LRMDA: variants seen among roughly 807,000 people sequenced by gnomAD.
The protein encoded by LRMDA is leucine-rich melanocyte differentiation-associated protein.
Under a neutral mutation model 29.8 loss-of-function variants are expected in LRMDA, and 18 were observed. That is an observed-to-expected ratio of 0.60 (90% CI 0.42 to 0.90). The LOEUF (loss-of-function observed/expected upper bound fraction) is 0.90. Ranked by LOEUF, LRMDA falls within the 40% of genes least tolerant of loss-of-function variation. The pLI is 0.00. For synonymous variants in LRMDA, 125 were observed against 109.4 expected, an observed-to-expected ratio of 1.14 and a Z score of -0.89; for missense variants, 273 against 273.9, an observed-to-expected ratio of 1.00 and a Z score of 0.02.
intron 6 of LRMDA, among the ~76,000 whole-genome samples, chr10:76,387,123 T>C (rs1176764583): frequency 6.6e-6 from 1 of 152,200 alleles, no homozygotes; most frequent in African/African-American, 2.4e-5. Context: ...TGGAAAGCAA[T>C]TTGATAATTT....
Position 76,559,036 on chromosome 10 carries a change from C to T in LRMDA, c.*1748C>T, listed in dbSNP as rs1227420916. ...TTTAAATTATCTGCATTTGGTCCCACCCTGGGTCATTGTTTAGAAGCATCA... is the reference window on the plus strand; with the variant it reads ...TTTAAATTATCTGCATTTGGTCCCATCCTGGGTCATTGTTTAGAAGCATCA... On this transcript the variant is annotated 3_prime_UTR_variant, in exon 7 of 7. Transcript: ENST00000611255. 1 of 152,200 alleles carries T rather than the reference C, an allele frequency of 6.6e-6. No homozygotes were observed. The highest frequency in any genetic ancestry group is 1.5e-5 in the Non-Finnish European group (1 of 68,030). 9.4% of individuals were successfully genotyped at this position (152,200 alleles called of 1,614,324 possible).
rs554064392 is a variant in LRMDA, at chr10:76,175,439, T to G, written c.516+116656T>G. Among the ~76,000 whole-genome samples the G allele has an allele frequency of 5.9e-5, 9 of 152,330 alleles. No homozygotes were observed. The South Asian group carries it at 1.9e-3, about 32-fold the overall frequency. On this transcript the variant is annotated intron_variant, in intron 5 of 6. Coordinates refer to ENST00000611255, the MANE Select transcript of LRMDA (RefSeq NM_001305581.2). ...GCTCTTAGAATGATGCCTGGCCCAC[T>G]TTCAAGTAAGTGCTCGCATTAACTA... is the stretch of plus-strand genomic sequence containing the variant.
At chr10:75,790,456 G>A (rs1021619751) in intron 2 of LRMDA, among the ~76,000 whole-genome samples, 3 of 152,230 alleles carry the variant, frequency 2.0e-5, no homozygotes, top group African/African-American at 7.2e-5. Context: ...GGAAAGAGAG[G>A]TGGGATTCCA....
intron 2 of LRMDA, among the ~76,000 whole-genome samples, chr10:76,025,698 T>A (rs533629294): frequency 2.6e-5 from 4 of 152,160 alleles, no homozygotes; most frequent in Non-Finnish European, 4.4e-5. Flanking sequence ...TTTCCTTATG[T>A]TCCCTCACCA....
chr10:76,024,963 C>T (rs1035995200), intron 2 of LRMDA, among the ~76,000 whole-genome samples: 62 of 152,314 alleles, frequency 4.1e-4, no homozygotes, highest in African/African-American at 1.4e-3. Flanking sequence ...GCGAGGTGCA[C>T]GCATACCATG....
At chr10:75,750,607 G>A (rs1220483309) in intron 2 of LRMDA, among the ~76,000 whole-genome samples, 1 of 150,318 alleles carries the variant, frequency 6.7e-6, no homozygotes, top group African/African-American at 2.5e-5. Flanking sequence ...CGGGATGGCG[G>A]CCGGGCAGAG....
At chr10:76,315,583 A>G (rs1411394980) in intron 5 of LRMDA, among the ~76,000 whole-genome samples, 1 of 149,936 alleles carries the variant, frequency 6.7e-6, no homozygotes, top group Non-Finnish European at 1.5e-5. Flanking sequence ...GGCCCCCTCC[A>G]GACTTTGGGC....
intron 6 of LRMDA, among the ~76,000 whole-genome samples, chr10:76,371,845 T>G (rs930054625): frequency 6.6e-6 from 1 of 152,164 alleles, no homozygotes; most frequent in African/African-American, 2.4e-5. Flanking sequence ...CTCTGAAAGC[T>G]GTTTCATGAT....
intron 6 of LRMDA, among the ~76,000 whole-genome samples, chr10:76,519,134 C>A (rs1843093760): frequency 6.6e-6 from 1 of 152,026 alleles, no homozygotes; most frequent in South Asian, 2.1e-4. Flanking sequence ...CGTGGTGAAA[C>A]CCCATCTCTA....
chr10:75,822,766 C>T (rs1844183893), intron 2 of LRMDA, among the ~76,000 whole-genome samples: 2 of 152,034 alleles, frequency 1.3e-5, no homozygotes, highest in Admixed American at 1.3e-4. Flanking sequence ...TACTCTTTCA[C>T]CCAAAGCTGG....
intron 6 of LRMDA, among the ~76,000 whole-genome samples, chr10:76,458,637 C>G (rs952553057): frequency 6.6e-6 from 1 of 152,096 alleles, no homozygotes; most frequent in Admixed American, 6.5e-5. Context: ...AAGGAATGAC[C>G]TCAACTCTGT....
chr10:75,895,089 T>C (rs1474762942), intron 2 of LRMDA, among the ~76,000 whole-genome samples: 2 of 152,150 alleles, frequency 1.3e-5, no homozygotes, highest in Non-Finnish European at 2.9e-5. Context: ...AGAGATTGAA[T>C]TTTATCCTGA....
intron 2 of LRMDA, among the ~76,000 whole-genome samples, chr10:75,604,143 C>CT (rs201996741): frequency 0.01 from 1,567 of 151,524 alleles, 19 homozygotes; most frequent in Middle Eastern, 0.031. Flanking sequence ...GTTAACCATT[C>CT]TTTTTTTTTG....
chr10:75,853,432 G>GT (rs1310891338), intron 2 of LRMDA, among the ~76,000 whole-genome samples: 35 of 114,070 alleles, frequency 3.1e-4, no homozygotes, highest in African/African-American at 1.1e-3. Context: ...TAAAGAAGAG[G>GT]GGTGTGTGTG....
intron 2 of LRMDA, among the ~76,000 whole-genome samples, chr10:75,926,978 G>A (rs901489680): frequency 4.6e-5 from 7 of 152,116 alleles, no homozygotes; most frequent in African/African-American, 1.7e-4. Context: ...AGTGCTCCAC[G>A]CTGCCCTCTG....
chr10:76,460,187 T>C (rs1272919926), intron 6 of LRMDA, among the ~76,000 whole-genome samples: 2 of 152,204 alleles, frequency 1.3e-5, no homozygotes, highest in Non-Finnish European at 2.9e-5. Flanking sequence ...ACAGTAGAAC[T>C]GTCAGGAGAG....
intron 5 of LRMDA, among the ~76,000 whole-genome samples, chr10:76,253,714 C>T (rs1445939383): frequency 6.6e-6 from 1 of 151,938 alleles, no homozygotes; most frequent in Non-Finnish European, 1.5e-5. Flanking sequence ...AAATATTTGC[C>T]CAAATTTGCT....
chr10:76,323,251 T>C lies in LRMDA; in HGVS notation c.517-1150T>C, dbSNP rs566103527. Among the ~76,000 whole-genome samples, 5 of 152,252 alleles carry C rather than the reference T, an allele frequency of 3.3e-5. No homozygotes were observed. The South Asian group carries it at 1.0e-3, about 32-fold the overall frequency. ...AAGCCGCTTAGTCAAACGTCTCAAA[T>C]GTCAGAAATGAAATTTAAAGGGTTT... On this transcript the variant is annotated intron_variant, in intron 5 of 6. Coordinates refer to ENST00000611255, the MANE Select transcript of LRMDA (RefSeq NM_001305581.2).
chr10:75,825,824 G>A (rs1844238311), intron 2 of LRMDA, among the ~76,000 whole-genome samples: 1 of 152,168 alleles, frequency 6.6e-6, no homozygotes, highest in Admixed American at 6.5e-5. Context: ...TGGCCTGGGG[G>A]TTGAGAACTC....
Sources: gnomAD v4.1 joint callset for allele counts (sites outside exome capture counted in the v4.1 genomes callset) on GRCh38, gnomAD v4.1.1 for gene constraint, MANE v1.5 for transcripts, NCBI Gene and HGNC (gene_info 2026-07-23, HGNC 2026-07-21) for gene names.